Variants in AXDND1 observed in about 807,000 individuals in gnomAD.
AXDND1 encodes axonemal dynein light chain domain-containing protein 1.
A neutral mutation model predicts 137.5 loss-of-function variants in AXDND1; 110 were observed. That is an observed-to-expected ratio of 0.80 (90% CI 0.69 to 0.94). The LOEUF (loss-of-function observed/expected upper bound fraction) is 0.94, where lower values mean the gene tolerates loss of function less well. Ranked by LOEUF, AXDND1 falls within the 40% of genes least tolerant of loss-of-function variation. The pLI is 0.00. For missense variants in AXDND1, 1,191 were observed against 1,169.8 expected, an observed-to-expected ratio of 1.02 and a Z score of -0.26; for synonymous variants, 414 against 399.7, an observed-to-expected ratio of 1.04 and a Z score of -0.43.
intron 11 of AXDND1, among the ~76,000 whole-genome samples, chr1:179,395,599 A>G (rs1254541879): frequency 1.3e-5 from 2 of 152,188 alleles, no homozygotes; most frequent in Non-Finnish European, 2.9e-5. Context: ...GGATAATAAT[A>G]TTACCTACCT....
chr1:179,512,079 G>A (rs1271094006), intron 21 of AXDND1, among the ~76,000 whole-genome samples: 1 of 152,022 alleles, frequency 6.6e-6, no homozygotes, highest in Non-Finnish European at 1.5e-5. Flanking sequence ...TTAAGCCCCA[G>A]CTATTTATCT....
intron 12 of AXDND1, among the ~76,000 whole-genome samples, chr1:179,416,084 A>C (rs1056148965): frequency 6.6e-6 from 1 of 151,992 alleles, no homozygotes; most frequent in Non-Finnish European, 1.5e-5. Flanking sequence ...ACCTCTCTTT[A>C]TCTTCTCTCT....
chr1:179,423,958 G>A (rs1162505549), intron 12 of AXDND1, among the ~76,000 whole-genome samples: 2 of 150,908 alleles, frequency 1.3e-5, no homozygotes, highest in Non-Finnish European at 3.0e-5. Flanking sequence ...TAGCTTCAAA[G>A]TTTTTTTTTA....
intron 15 of AXDND1, among the ~76,000 whole-genome samples, chr1:179,433,979 T>TG (rs60373127): frequency 0.87 from 132,791 of 152,024 alleles, 58,105 homozygotes; most frequent in East Asian, 0.9. Context: ...ACTACTATTG[T>TG]GGAGTCTAAG....
intron 16 of AXDND1, chr1:179,456,351 C>G: frequency 1.3e-6 from 1 of 772,372 alleles, no homozygotes; most frequent in Non-Finnish European, 2.3e-6. Context: ...AAAGTTTCCT[C>G]CCTTCGTGGG....
intron 10 of AXDND1, 109 bp from the exon 11 acceptor site, chr1:179,394,989 A>G (rs1258052503): frequency 1.2e-6 from 1 of 820,824 alleles, no homozygotes; most frequent in Admixed American, 2.5e-5. Flanking sequence ...CTGGGAAGGG[A>G]GGTACACATG....
chr1:179,511,278 G>A (rs1669024908), intron 21 of AXDND1, among the ~76,000 whole-genome samples: 1 of 150,416 alleles, frequency 6.6e-6, no homozygotes, highest in Non-Finnish European at 1.5e-5. Context: ...ATATAATATG[G>A]TAGTGTGTGT....
intron 3 of AXDND1, among the ~76,000 whole-genome samples, chr1:179,369,770 A>G (rs1013448233): frequency 2.6e-5 from 4 of 152,172 alleles, no homozygotes; most frequent in Non-Finnish European, 4.4e-5. Context: ...TAAAATGATA[A>G]TTGCTACCCT....
In AXDND1 at chr1:179,432,337, C is replaced by CTTCT. The variant is rs768072216; in HGVS notation, c.1558_1559insTTCT (p.Gln520LeufsTer7). 2.5e-5 allele frequency: 40 copies of CTTCT among 1,569,472 alleles called. No individual in the cohort carries two copies. In the African/African-American group the frequency reaches 5.5e-4, roughly 21 times the overall value. On this transcript the variant is annotated frameshift_variant, in exon 15 of 26. Coordinates refer to ENST00000367618, the MANE Select transcript of AXDND1 (RefSeq NM_144696.6). LOFTEE classifies it high-confidence loss of function. ...AGTTCTTTTAGACTTCAAACAGTGG[C>CTTCT]AGAAGGTAAGACTTTTTAATAAAGA...
chr1:179,403,545 A>G (rs1021324384), intron 11 of AXDND1, among the ~76,000 whole-genome samples: 3 of 152,238 alleles, frequency 2.0e-5, no homozygotes, highest in African/African-American at 7.2e-5. Flanking sequence ...CTGGAGATAC[A>G]AACTACTCAT....
Position 179,552,593 on chromosome 1 carries a change from G to A in AXDND1, c.3032-1919G>A, listed in dbSNP as rs536934083. ...AAAGGGCAGTCTGGGTGGGAGGATG[G>A]AGTGCTCACCCGCACTTTGGCTTGT... On this transcript the variant is annotated intron_variant, in intron 25 of 25. Transcript: ENST00000367618. 8.0e-5 allele frequency: 129 copies of A among 1,609,802 alleles called. 1 individual carries two copies. The East Asian group carries it at 2.4e-3, about 30-fold the overall frequency.
At chr1:179,437,134 G>T (rs530464238) in intron 15 of AXDND1, among the ~76,000 whole-genome samples, 7 of 149,732 alleles carry the variant, frequency 4.7e-5, no homozygotes, top group Admixed American at 6.7e-5. Context: ...AGTGTAACCC[G>T]CACAGACCTA....
At chr1:179,539,873 A>T (rs1671949078) in intron 25 of AXDND1, among the ~76,000 whole-genome samples, 1 of 151,778 alleles carries the variant, frequency 6.6e-6, no homozygotes, top group African/African-American at 2.4e-5. Flanking sequence ...TATTTCTTGG[A>T]GGCTTTGTTC....
chr1:179,398,894 G>A (rs1259088726), intron 11 of AXDND1, among the ~76,000 whole-genome samples: 4 of 152,154 alleles, frequency 2.6e-5, no homozygotes, highest in Non-Finnish European at 5.9e-5. Flanking sequence ...TGGAAGGGCA[G>A]AATGTACTAC....
chr1:179,520,740 A>C (rs1203902793), intron 21 of AXDND1, among the ~76,000 whole-genome samples: 1 of 151,510 alleles, frequency 6.6e-6, no homozygotes, highest in African/African-American at 2.4e-5. Flanking sequence ...CCTTTAAATC[A>C]TATCTTATTT....
At chr1:179,462,966 A>AT (rs1401606265) in intron 16 of AXDND1, among the ~76,000 whole-genome samples, 13 of 152,026 alleles carry the variant, frequency 8.6e-5, no homozygotes, top group Non-Finnish European at 1.8e-4. Context: ...ATCAGTGGTG[A>AT]TATCCCCTTT....
In AXDND1 at chr1:179,381,234, G is replaced by A. The variant is rs1648243482; in HGVS notation, c.582-1466G>A. On this transcript the variant is annotated intron_variant, in intron 6 of 25. Coordinates refer to ENST00000367618, the MANE Select transcript of AXDND1 (RefSeq NM_144696.6). ...TTTTTGTATTTTTGGTAGAAACAGG[G>A]TTTCACCATGTTAGCCAAGCTGGTC... is the stretch of plus-strand genomic sequence containing the variant. 2.7e-5 allele frequency among the ~76,000 whole-genome samples: 4 copies of A among 150,792 alleles called. 1 individual carries two copies. In the South Asian group the frequency reaches 6.3e-4, roughly 24 times the overall value.
intron 11 of AXDND1, among the ~76,000 whole-genome samples, chr1:179,410,135 A>T (rs1653640230): frequency 6.6e-6 from 1 of 152,232 alleles, no homozygotes; most frequent in African/African-American, 2.4e-5. Flanking sequence ...GACTAGAAGA[A>T]TTCTACTTCA....
chr1:179,496,996 T>A (rs1458445110), intron 20 of AXDND1, among the ~76,000 whole-genome samples: 1 of 152,118 alleles, frequency 6.6e-6, no homozygotes, highest in Non-Finnish European at 1.5e-5. Flanking sequence ...AATATTTGAG[T>A]ATTTTCCAGA....
Sources: gnomAD v4.1 joint callset for allele counts (sites outside exome capture counted in the v4.1 genomes callset) on GRCh38, gnomAD v4.1.1 for gene constraint, MANE v1.5 for transcripts, NCBI Gene and HGNC (gene_info 2026-07-23, HGNC 2026-07-21) for gene names.